The following GPR161 variants were observed in gnomAD, a reference collection of about 807,000 sequenced individuals.
GPR161 encodes G-protein coupled receptor RE2.
A neutral mutation model predicts 39.2 loss-of-function variants in GPR161; 25 were observed. The ratio of observed to expected loss-of-function variants is 0.64; its 90% CI spans 0.47 to 0.89. The LOEUF is 0.89. Among genes scored for constraint, GPR161 ranks in the 40% least tolerant of loss-of-function variants. The pLI is 0.00. For missense variants in GPR161, 547 were observed against 677.8 expected (o/e 0.81, Z 2.14); for synonymous variants, 286 against 276.6 (o/e 1.03, Z -0.34).
chr1:168,096,483 G>T (rs1305207917), intron 3 of GPR161, 25 bp downstream of exon 3: 4 of 1,601,916 alleles, frequency 2.5e-6, no homozygotes, highest in Non-Finnish European at 2.6e-6. Context: ...CCTCGGAGGG[G>T]CTATCCTAAC....
intron 2 of GPR161, among the ~76,000 whole-genome samples, chr1:168,101,648 A>T (rs1006429066): frequency 1.3e-5 from 2 of 152,224 alleles, no homozygotes; most frequent in Admixed American, 1.3e-4. Flanking sequence ...GCTCATCTGC[A>T]AAATCGGGGC....
intron 1 of GPR161, among the ~76,000 whole-genome samples, chr1:168,114,737 C>G (rs1697486375): frequency 6.6e-6 from 1 of 152,176 alleles, no homozygotes; most frequent in Non-Finnish European, 1.5e-5. Flanking sequence ...TATAAAGTGC[C>G]TGGAGCAGCA....
chr1:168,117,998 A>G (rs925707715), intron 1 of GPR161, among the ~76,000 whole-genome samples: 3 of 150,296 alleles, frequency 2.0e-5, no homozygotes, highest in Non-Finnish European at 4.4e-5. Context: ...AAACAAACAA[A>G]TAAGTGGGGT....
At chr1:168,114,803 C>A (rs990325378) in intron 1 of GPR161, among the ~76,000 whole-genome samples, 3 of 152,172 alleles carry the variant, frequency 2.0e-5, no homozygotes, top group African/African-American at 7.2e-5. Context: ...AAGAGTTTAA[C>A]CTGATTTTAC....
At chr1:168,133,015 G>C (rs922974172) in intron 1 of GPR161, among the ~76,000 whole-genome samples, 4 of 152,192 alleles carry the variant, frequency 2.6e-5, no homozygotes. Context: ...AAAATACTGG[G>C]ATTACAGGCG....
intron 1 of GPR161, among the ~76,000 whole-genome samples, chr1:168,109,055 T>C (rs985760411): frequency 6.6e-6 from 1 of 152,180 alleles, no homozygotes; most frequent in African/African-American, 2.4e-5. Flanking sequence ...ATATAAGAAT[T>C]AGTCTGAAGA....
In GPR161 at chr1:168,136,372, C is replaced by T. The variant is rs537429325; in HGVS notation, c.-45+367G>A. The T allele has an allele frequency of 4.5e-5, 65 of 1,445,632 alleles. 2 individuals are homozygous for T. In the South Asian group the frequency reaches 8.7e-4, roughly 19 times the overall value. 89.6% of individuals were successfully genotyped at this position (1,445,632 alleles called of 1,614,324 possible). A position where few individuals can be genotyped will look rare whatever the true frequency, so the allele number is the denominator to read the frequency against. ...GGCGCGGCCCGCATCGGCAGAGTCC[C>T]GGGCACGCACCTACGCCCTCCCATC... On this transcript the variant is annotated intron_variant, in intron 1 of 5. Transcript: ENST00000682931.
In GPR161 at chr1:168,096,495, A is replaced by T; in HGVS notation, c.1099+13T>A. 8 of 1,609,160 alleles carry T rather than the reference A, an allele frequency of 5.0e-6. No individual in the cohort carries two copies. The highest frequency in any genetic ancestry group is 5.9e-6 in the Non-Finnish European group (7 of 1,177,372). On this transcript the variant is annotated intron_variant, in intron 3 of 5. Transcript: ENST00000682931. ...CTGCCTCGGAGGGGCTATCCTAACAATGCCCAAGTTACCTGTGATCCTGTT... is the reference window on the plus strand; with the variant it reads ...CTGCCTCGGAGGGGCTATCCTAACATTGCCCAAGTTACCTGTGATCCTGTT...
chr1:168,136,585 G>A (rs948711047), intron 1 of GPR161, 154 bp downstream of exon 1: 2 of 1,236,026 alleles, frequency 1.6e-6, no homozygotes, highest in East Asian at 3.2e-5. Flanking sequence ...TGACCTCCGA[G>A]AGGGGCGCGG....
At chr1:168,113,806 C>T (rs1020906793) in intron 1 of GPR161, among the ~76,000 whole-genome samples, 2 of 152,106 alleles carry the variant, frequency 1.3e-5, no homozygotes, top group Non-Finnish European at 2.9e-5. Flanking sequence ...AGAGGAACAA[C>T]AGGCACTAAG....
intron 1 of GPR161, chr1:168,114,413 TCTA>T (rs377109135): frequency 3.0e-4 from 45 of 152,150 alleles, no homozygotes; most frequent in African/African-American, 1.0e-3. Flanking sequence ...AAACCCTGTC[TCTA>T]CTAAAAATAC....
intron 1 of GPR161, among the ~76,000 whole-genome samples, chr1:168,118,977 C>T (rs1390586286): frequency 6.6e-6 from 1 of 151,620 alleles, no homozygotes; most frequent in Non-Finnish European, 1.5e-5. Context: ...AACCCTTTTA[C>T]GCTGTTGGCA....
chr1:168,090,616 C>G lies in GPR161; in HGVS notation c.1152G>C (p.Leu384=). ...LTALMAGGQP[L]GHSSSTGDTG... ...TGTCCCCCGTGCTGCTGCTGTGCCC[C>G]AGGGGCTGTCCACCTGCCATGAGCG... Residue 384 remains leucine (L), a synonymous_variant, in exon 4 of 6, where the codon CTG becomes CTC. Transcript: ENST00000682931. The G allele has an allele frequency of 1.9e-6, 3 of 1,612,576 alleles. No individual in the cohort carries two copies. In the South Asian group the frequency reaches 3.3e-5, roughly 18 times the overall value.
At chr1:168,123,579 C>T (rs74597886) in intron 1 of GPR161, among the ~76,000 whole-genome samples, 2,939 of 147,814 alleles carry the variant, frequency 0.02, 50 homozygotes, top group East Asian at 0.077. Flanking sequence ...CACACACACA[C>T]TTGTTTGCAT....
intron 1 of GPR161, among the ~76,000 whole-genome samples, chr1:168,117,501 C>T (rs928424849): frequency 2.0e-5 from 3 of 151,754 alleles, no homozygotes; most frequent in African/African-American, 7.3e-5. Context: ...TGTTACTTAA[C>T]CCCCCCCTGC....
chr1:168,137,109 C>T, upstream of GPR161: 7 of 1,005,720 alleles, frequency 7.0e-6, no homozygotes, highest in Non-Finnish European at 8.3e-6. Context: ...CCGGCTGCTT[C>T]TTTCCCATTT....
intron 1 of GPR161, among the ~76,000 whole-genome samples, chr1:168,107,685 T>C (rs1348493981): frequency 5.3e-5 from 8 of 152,196 alleles, no homozygotes; most frequent in Non-Finnish European, 8.8e-5. Context: ...GACAAAGACC[T>C]AAACACAGAG....
At chr1:168,093,846 C>T (rs190604066) in intron 3 of GPR161, among the ~76,000 whole-genome samples, 112 of 152,324 alleles carry the variant, frequency 7.4e-4, no homozygotes, top group African/African-American at 2.5e-3. Flanking sequence ...TGGGCTGGGG[C>T]GCCACATTCT....
chr1:168,125,892 A>G (rs1315168139), intron 1 of GPR161, among the ~76,000 whole-genome samples: 5 of 152,188 alleles, frequency 3.3e-5, no homozygotes, highest in African/African-American at 4.8e-5. Context: ...CTGGGATTAC[A>G]GGCGTGAGCC....
Sources: allele counts gnomAD v4.1 joint callset (sites outside exome capture counted in the v4.1 genomes callset), GRCh38; gene constraint gnomAD v4.1.1; transcripts MANE v1.5; gene names NCBI Gene and HGNC (gene_info 2026-07-23, HGNC 2026-07-21).